The following NCAM2 variants were observed in gnomAD, a reference collection of about 807,000 sequenced individuals.
The protein encoded by NCAM2 is N-CAM-2.
In NCAM2, 30 loss-of-function variants were observed where a neutral mutation model predicts 98.1. The observed-to-expected ratio is 0.31, with a 90% confidence interval of 0.23 to 0.41. The LOEUF is 0.41. Ranked by LOEUF, NCAM2 falls within the 10% of genes least tolerant of loss-of-function variation. NCAM2 has a pLI of 1.00. For missense variants in NCAM2, 867 were observed against 1,005.8 expected, an observed-to-expected ratio of 0.86 and a Z score of 1.87; for synonymous variants, 368 against 342.4, an observed-to-expected ratio of 1.07 and a Z score of -0.83.
At chr21:21,255,464 G>T (rs905599565) in intron 1 of NCAM2, among the ~76,000 whole-genome samples, 3 of 152,152 alleles carry the variant, frequency 2.0e-5, no homozygotes, top group African/African-American at 4.8e-5. Context: ...GTAATCCATT[G>T]CTGTCATTAT....
At chr21:21,044,945 T>C (rs1344076910) in intron 1 of NCAM2, among the ~76,000 whole-genome samples, 1 of 152,138 alleles carries the variant, frequency 6.6e-6, no homozygotes, top group Non-Finnish European at 1.5e-5. Context: ...TATGTATATA[T>C]GTATACACAC....
chr21:21,113,893 A>G (rs954403143), intron 1 of NCAM2, among the ~76,000 whole-genome samples: 4 of 151,962 alleles, frequency 2.6e-5, no homozygotes, highest in South Asian at 4.1e-4. Context: ...GATAGTCTTT[A>G]TTTCTATTTG....
Position 21,338,377 on chromosome 21 carries a change from T to C in NCAM2, c.899-12T>C, listed in dbSNP as rs769165796. On this transcript the variant is annotated splice_polypyrimidine_tract_variant and intron_variant, in intron 7 of 17. Coordinates refer to ENST00000400546, the MANE Select transcript of NCAM2 (RefSeq NM_004540.5). ...TCCAATACCGGTTGAGTAATATATA[T>C]ATTCTTTACAGTACAGCCTCACATA... The C allele has an allele frequency of 1.2e-6, 2 of 1,604,476 alleles. No homozygotes were observed. The highest frequency in any genetic ancestry group is 3.4e-5 in the Admixed American group (2 of 59,320).
intron 5 of NCAM2, among the ~76,000 whole-genome samples, chr21:21,321,531 T>C (rs936095306): frequency 8.5e-5 from 13 of 152,172 alleles, no homozygotes; most frequent in African/African-American, 3.1e-4. Flanking sequence ...TTTTTATATA[T>C]ACTTTTTTAT....
In NCAM2 at chr21:21,475,238, T is replaced by C. The variant is rs186451096; in HGVS notation, c.1897-2053T>C. ...TGAAGAGAAAAATGGCGCTAGAGTG[T>C]ATTATTTCCAGGAAGGGTGATATCA... On this transcript the variant is annotated intron_variant, in intron 14 of 17. Coordinates refer to ENST00000400546, the MANE Select transcript of NCAM2 (RefSeq NM_004540.5). Among the ~76,000 whole-genome samples, 504 of 152,146 alleles carry C rather than the reference T, an allele frequency of 3.3e-3. 3 individuals are homozygous for C. Among genetic ancestry groups the C allele is most frequent in the African/African-American group, 0.011 (477 of 41,512 alleles).
At chr21:21,349,618 A>T (rs1371629631) in intron 8 of NCAM2, among the ~76,000 whole-genome samples, 2 of 152,174 alleles carry the variant, frequency 1.3e-5, no homozygotes, top group Non-Finnish European at 2.9e-5. Flanking sequence ...CAACAAAGAG[A>T]TCTCTGCACT....
intron 1 of NCAM2, among the ~76,000 whole-genome samples, chr21:21,042,287 C>T (rs1356677910): frequency 6.6e-6 from 1 of 152,086 alleles, no homozygotes; most frequent in African/African-American, 2.4e-5. Context: ...CAGGTTCACA[C>T]GATTCTCCTG....
At chr21:21,387,813 C>T (rs1045764615) in intron 9 of NCAM2, among the ~76,000 whole-genome samples, 2 of 152,056 alleles carry the variant, frequency 1.3e-5, no homozygotes, top group Non-Finnish European at 2.9e-5. Flanking sequence ...CTTTCATGGA[C>T]ATTGGCAAGA....
chr21:21,518,060 G>C lies in NCAM2; in HGVS notation c.2282+9005G>C, dbSNP rs1292783812. 3.3e-5 allele frequency among the ~76,000 whole-genome samples: 5 copies of C among 152,156 alleles called. No individual in the cohort carries two copies. In the East Asian group the frequency reaches 9.7e-4, roughly 30 times the overall value. On this transcript the variant is annotated intron_variant, in intron 16 of 17. Transcript: ENST00000400546. ...TACAGTTCTGCTCCACATGTTGTGT[G>C]ACATAAGTAAAGAAATGCATGCAAT...
intron 8 of NCAM2, among the ~76,000 whole-genome samples, chr21:21,351,117 CAAAAAAAAAAAA>C (rs61586915): frequency 9.0e-4 from 75 of 83,738 alleles, no homozygotes; most frequent in African/African-American, 3.5e-3. Flanking sequence ...GACTCTGTCT[CAAAAAAAAAAAA>C]AAAAAAAAAA....
At chr21:21,430,587 G>A (rs1045214746) in intron 11 of NCAM2, among the ~76,000 whole-genome samples, 20 of 151,736 alleles carry the variant, frequency 1.3e-4, no homozygotes, top group African/African-American at 4.8e-4. Context: ...TGCCAGCAGG[G>A]GAAATGCCAG....
chr21:21,277,074 A>G (rs1200478485), intron 1 of NCAM2, among the ~76,000 whole-genome samples: 1 of 152,104 alleles, frequency 6.6e-6, no homozygotes, highest in Non-Finnish European at 1.5e-5. Context: ...TAGAAAAGCA[A>G]ATTTACTCCT....
intron 1 of NCAM2, among the ~76,000 whole-genome samples, chr21:21,213,094 T>C (rs576511825): frequency 3.9e-5 from 6 of 152,320 alleles, no homozygotes; most frequent in Middle Eastern, 3.4e-3. Flanking sequence ...AATGAGTCAA[T>C]GTATGAATGA....
chr21:21,409,698 C>G (rs1602251395), intron 9 of NCAM2, among the ~76,000 whole-genome samples: 1 of 152,152 alleles, frequency 6.6e-6, no homozygotes, highest in Admixed American at 6.5e-5. Flanking sequence ...AAATTTAACT[C>G]TGGTTCTCTT....
chr21:21,115,207 G>A (rs752241049), intron 1 of NCAM2, among the ~76,000 whole-genome samples: 14 of 152,212 alleles, frequency 9.2e-5, no homozygotes, highest in Non-Finnish European at 5.9e-5. Flanking sequence ...TGTTATATTT[G>A]CTTGGGGATA....
chr21:21,389,469 T>C (rs978762775), intron 9 of NCAM2, among the ~76,000 whole-genome samples: 3 of 152,220 alleles, frequency 2.0e-5, no homozygotes, highest in Admixed American at 6.5e-5. Context: ...TATTTTGACA[T>C]ATACAGTAAG....
intron 1 of NCAM2, among the ~76,000 whole-genome samples, chr21:21,141,741 A>G (rs994439271): frequency 3.3e-5 from 5 of 152,266 alleles, no homozygotes; most frequent in Non-Finnish European, 7.4e-5. Flanking sequence ...GAGCCTCCAC[A>G]CTATCTGGCA....
intron 1 of NCAM2, among the ~76,000 whole-genome samples, chr21:21,117,913 A>C (rs998039033): frequency 2.0e-5 from 3 of 152,284 alleles, no homozygotes; most frequent in East Asian, 1.9e-4. Flanking sequence ...AATTCTATAT[A>C]ATGATTGAAC....
chr21:21,537,173 A>C (rs2146436257), intron 17 of NCAM2, among the ~76,000 whole-genome samples: 1 of 152,100 alleles, frequency 6.6e-6, no homozygotes, highest in Admixed American at 6.6e-5. Context: ...ATCTCAGCTC[A>C]CTGCAATCTC....
Sources: allele counts gnomAD v4.1 joint callset (sites outside exome capture counted in the v4.1 genomes callset), GRCh38; gene constraint gnomAD v4.1.1; transcripts MANE v1.5; gene names NCBI Gene and HGNC (gene_info 2026-07-23, HGNC 2026-07-21).